SLC16A5: variants seen among roughly 807,000 people sequenced by gnomAD.
The protein encoded by SLC16A5 is monocarboxylate transporter 6.
In SLC16A5, 29 loss-of-function variants were observed where a neutral mutation model predicts 33.2. That is an observed-to-expected ratio of 0.87 (90% CI 0.65 to 1.19). The LOEUF (loss-of-function observed/expected upper bound fraction) is 1.19, where lower values mean the gene tolerates loss of function less well. Among genes scored for constraint, SLC16A5 ranks in the 50% most tolerant of loss-of-function variants. The pLI is 0.00. For missense variants in SLC16A5, 606 were observed against 678.2 expected (o/e 0.89, Z 1.18); for synonymous variants, 248 against 284.1 (o/e 0.87, Z 1.28).
intron 2 of SLC16A5, among the ~76,000 whole-genome samples, chr17:75,091,387 CAGG>C (rs1301136133): frequency 6.6e-6 from 1 of 152,130 alleles, no homozygotes; most frequent in Non-Finnish European, 1.5e-5. Context: ...GGAGCTGGGC[CAGG>C]AGGAGGGCCA....
intron 6 of SLC16A5, chr17:75,105,081 C>T (rs542079022): frequency 3.0e-5 from 30 of 985,318 alleles, no homozygotes; most frequent in South Asian, 2.3e-4. Flanking sequence ...GCTGGTGGTG[C>T]AGCTGCCCCC....
At chr17:75,104,979 C>T (rs192539547) in intron 6 of SLC16A5, 2 of 985,456 alleles carry the variant, frequency 2.0e-6, no homozygotes, top group East Asian at 2.3e-4. Context: ...TTTCTCTGGC[C>T]TCCATACCGT....
At chr17:75,095,943 G>A (rs1477845060) in intron 3 of SLC16A5, among the ~76,000 whole-genome samples, 8 of 151,676 alleles carry the variant, frequency 5.3e-5, no homozygotes, top group African/African-American at 1.9e-4. Context: ...ACAGGTGTGA[G>A]CCACCACGCC....
intron 6 of SLC16A5, chr17:75,105,354 G>A: frequency 1.0e-6 from 1 of 985,454 alleles, no homozygotes; most frequent in Non-Finnish European, 1.2e-6. Flanking sequence ...ACTGACGGGA[G>A]AGGAAGGCTT....
downstream of SLC16A5, among the ~76,000 whole-genome samples, chr17:75,107,801 G>A (rs1216452367): frequency 6.6e-6 from 1 of 152,114 alleles, no homozygotes; most frequent in African/African-American, 2.4e-5. Flanking sequence ...GCCGGGCGTC[G>A]TGGCGGGTGC....
intron 2 of SLC16A5, among the ~76,000 whole-genome samples, chr17:75,092,777 GTGTT>G (rs1460195314): frequency 4.0e-5 from 6 of 151,588 alleles, no homozygotes; most frequent in Admixed American, 1.3e-4. Flanking sequence ...CGCTGTGACT[GTGTT>G]TGTGTGTGAC....
downstream of SLC16A5, chr17:75,109,852 G>C (rs2073892824): frequency 5.1e-6 from 1 of 194,634 alleles, no homozygotes; most frequent in Admixed American, 5.4e-5. The surrounding 1 kb of genome is among the most constrained non-coding windows in gnomAD (Gnocchi z 5.0). Flanking sequence ...TTCCAGCACA[G>C]GCTAAAGAGC....
intron 6 of SLC16A5, chr17:75,105,438 T>C: frequency 6.1e-6 from 6 of 985,384 alleles, no homozygotes; most frequent in Non-Finnish European, 7.2e-6. Context: ...CCCATTCCTG[T>C]CCTCCAGAGG....
rs1008667433 is a variant in SLC16A5, at chr17:75,098,116, G to A, written c.278G>A (p.Gly93Asp). 6.2e-7 allele frequency: 1 copy of A among 1,612,144 alleles called. No individual in the cohort carries two copies. Among genetic ancestry groups the A allele is most frequent in the Admixed American group, 1.7e-5 (1 of 59,744 alleles). ...VMLGGVLASL[G>D]MVASSFSHNL... The stretch of plus-strand genomic sequence containing the variant: ...CTGGGGGGCGTGCTGGCCAGCCTGG[G>A]CATGGTGGCCAGCTCCTTCTCTCAC... The change falls in exon 4 of 7, where the codon GGC (glycine) becomes GAC (aspartate). Residue 93 changes from glycine (G) to aspartate (D), a missense_variant. Transcript: ENST00000329783.
intron 3 of SLC16A5, among the ~76,000 whole-genome samples, chr17:75,096,284 G>A (rs2073717080): frequency 6.6e-6 from 1 of 151,622 alleles, no homozygotes; most frequent in Admixed American, 6.6e-5. Context: ...TGTCCCGCCC[G>A]GCCACACCAC....
At chr17:75,108,883 G>A (rs2073883930), downstream of SLC16A5, among the ~76,000 whole-genome samples, 1 of 152,140 alleles carries the variant, frequency 6.6e-6, no homozygotes, top group African/African-American at 2.4e-5. Flanking sequence ...GAGTCTTTGT[G>A]ATAGTTTTCA....
In SLC16A5 at chr17:75,100,128, G is replaced by T. The variant is rs1369138066; in HGVS notation, c.465G>T (p.Trp155Cys). The change falls in exon 5 of 7, where the codon TGG (tryptophan) becomes TGT (cysteine). Residue 155 changes from tryptophan (W) to cysteine (C), a missense_variant. By Grantham distance (215) the Trp-to-Cys change is radical (BLOSUM62 -2). Transcript: ENST00000329783. Reference protein sequence around the residue: ...SMGVSLGITLWPLLSRYLLEN... With the variant: ...SMGVSLGITLCPLLSRYLLEN... ...GCGTCTCCCTGGGCATCACCCTCTG[G>T]CCGCTGCTCTCCCGCTACCTTCTGG... 2 of 1,614,114 alleles carry T rather than the reference G, an allele frequency of 1.2e-6. No homozygotes were observed. The highest frequency in any genetic ancestry group is 3.3e-5 in the Admixed American group (2 of 60,006).
At chr17:75,103,914 A>G (rs1041798665) in intron 5 of SLC16A5, 56 bp from the exon 6 acceptor site, 3 of 1,510,784 alleles carry the variant, frequency 2.0e-6, no homozygotes, top group Non-Finnish European at 2.8e-6. Flanking sequence ...GGGAACACAC[A>G]GCTGAGTTGG....
rs1053924515 is a variant in SLC16A5, at chr17:75,103,928, G to A, written c.1154-42G>A. ...AGGGAACACACAGCTGAGTTGGGGG[G>A]AGGCCTGGTAGCACTGGCCTAACTT... is the stretch of plus-strand genomic sequence containing the variant. On this transcript the variant is annotated intron_variant, in intron 5 of 6. Coordinates refer to ENST00000329783, the MANE Select transcript of SLC16A5 (RefSeq NM_004695.4). The A allele has an allele frequency of 1.4e-5, 22 of 1,556,278 alleles. No homozygotes were observed. In the African/African-American group the frequency reaches 2.7e-4, roughly 19 times the overall value.
chr17:75,094,376 A>G (rs1226009666), intron 3 of SLC16A5, among the ~76,000 whole-genome samples: 3 of 152,124 alleles, frequency 2.0e-5, no homozygotes, highest in Non-Finnish European at 4.4e-5. Context: ...TCAGGATAGG[A>G]AAGGGGACGC....
At position 75,105,936 on chromosome 17, in the gene SLC16A5, G is replaced by T. The variant is rs776194018; in HGVS notation, c.1421G>T (p.Cys474Phe). The change falls in exon 7 of 7, where the codon TGT (cysteine) becomes TTT (phenylalanine). Residue 474 changes from cysteine to phenylalanine, a missense_variant. By Grantham distance (205) the Cys-to-Phe change is radical (BLOSUM62 -2). Transcript: ENST00000329783. ...PAGVNKHLWG[C>F]PASSRTSHEW... ...GGCGTCAATAAGCATCTTTGGGGAT[G>T]TCCTGCCTCCTCCAGGACCAGCCAT... 1.8e-5 allele frequency: 29 copies of T among 1,612,202 alleles called. No individual in the cohort carries two copies. The highest frequency in any genetic ancestry group is 2.4e-5 in the Non-Finnish European group (28 of 1,178,870).
chr17:75,099,443 G>A (rs1325680378), intron 4 of SLC16A5, among the ~76,000 whole-genome samples: 1 of 152,136 alleles, frequency 6.6e-6, no homozygotes, highest in Non-Finnish European at 1.5e-5. Flanking sequence ...TTGAGACAGA[G>A]TCTCACTCTG....
intron 6 of SLC16A5, chr17:75,104,452 T>G: frequency 8.3e-7 from 1 of 1,197,974 alleles, no homozygotes; most frequent in Non-Finnish European, 1.0e-6. Context: ...GGAGTTTCAC[T>G]CTTGTTGCCC....
intron 6 of SLC16A5, chr17:75,105,448 G>GC: frequency 4.1e-6 from 4 of 985,344 alleles, no homozygotes; most frequent in Non-Finnish European, 4.8e-6. Context: ...TCCTCCAGAG[G>GC]CCCCCCTTTT....
Sources: allele counts gnomAD v4.1 joint callset (sites outside exome capture counted in the v4.1 genomes callset), GRCh38; gene constraint gnomAD v4.1.1; non-coding constraint Gnocchi (gnomAD v3.1); transcripts MANE v1.5; gene names NCBI Gene and HGNC (gene_info 2026-07-23, HGNC 2026-07-21).